MACF1: variants seen among roughly 807,000 people sequenced by gnomAD.
MACF1 encodes the protein microtubule actin crosslinking factor 1.
Under a neutral mutation model 854.8 loss-of-function variants are expected in MACF1, and 193 were observed. That is an observed-to-expected ratio of 0.23 (90% CI 0.20 to 0.25). The LOEUF (loss-of-function observed/expected upper bound fraction) is 0.25. MACF1 is among the 10% of genes least tolerant of loss of function. The pLI is 1.00. For synonymous variants in MACF1, 3,185 were observed against 3,226.7 expected (o/e 0.99, Z 0.44); for missense variants, 7,722 against 8,929.1 (o/e 0.86, Z 5.45).
intron 17 of MACF1, 56 bp from the exon 18 acceptor site, chr1:39,293,402 A>G (rs1260458658): frequency 1.8e-5 from 26 of 1,449,334 alleles, no homozygotes; most frequent in Non-Finnish European, 2.3e-5. Flanking sequence ...CAAATGTGCT[A>G]TCTTCTACAG....
intron 29 of MACF1, 100 bp from the exon 30 acceptor site, chr1:39,318,353 C>A: frequency 9.2e-7 from 1 of 1,091,416 alleles, no homozygotes; most frequent in Non-Finnish European, 1.3e-6. Context: ...CGTTTGTGGT[C>A]AAGCCCAGCT....
At position 39,357,842 on chromosome 1, in the gene MACF1, A is replaced by G. The variant is rs762168470; in HGVS notation, c.11892A>G (p.Val3964=). The change falls in exon 45 of 101, where the codon GTA becomes GTG. Residue 3964 remains valine (V), a synonymous_variant. Coordinates refer to ENST00000564288, the MANE Select transcript of MACF1 (RefSeq NM_001394062.1). ...AACCATCAGAAATTGGAAACTTAGT[A>G]AAGGACAAGTTGAAGGATGCAACAG... is the stretch of plus-strand genomic sequence containing the variant. ...GKEPSEIGNL[V]KDKLKDATER... is the part of the protein sequence containing the mutation. 14 of 1,614,042 alleles carry G rather than the reference A, an allele frequency of 8.7e-6. No individual in the cohort carries two copies. Among genetic ancestry groups the G allele is most frequent in the Non-Finnish European group, 1.1e-5 (13 of 1,180,026 alleles).
intron 2 of MACF1, among the ~76,000 whole-genome samples, chr1:39,175,312 A>T (rs1455795235): frequency 1.3e-5 from 2 of 152,270 alleles, no homozygotes; most frequent in African/African-American, 2.4e-5. Flanking sequence ...TTGGAATACC[A>T]TATGAAATAG....
rs200915205 is a variant in MACF1 at position 39,331,820 on chromosome 1, G to A, written c.5232G>A (p.Arg1744=). The change falls in exon 37 of 101, where the codon CGG becomes CGA. Residue 1744 remains arginine, a synonymous_variant. Transcript: ENST00000564288. ...GGATGGTGAGCTTGAAATCAGGCCG[G>A]AAGGTTAGCATTTTCCGTGCAGTTC... The part of the protein sequence containing the change: ...AGGMVSLKSG[R]KVSIFRAVQE... 4.2e-5 allele frequency: 67 copies of A among 1,614,148 alleles called. No individual in the cohort carries two copies. In the East Asian group the frequency reaches 4.5e-4, roughly 11 times the overall value.
intron 23 of MACF1, among the ~76,000 whole-genome samples, chr1:39,307,885 T>TTTTCTTTC (rs1246111701): frequency 3.1e-4 from 44 of 141,072 alleles, no homozygotes; most frequent in African/African-American, 1.1e-3. Context: ...ATTATTTCTC[T>TTTTCTTTC]TTTCTTTCTT....
Position 39,353,201 on chromosome 1 carries a change from G to T in MACF1, c.11394G>T (p.Glu3798Asp). ...DGYMGVNQAP[E>D]KLDKQCEMMK... ...ACATGGGGGTGAATCAAGCCCCAGA[G>T]AAACTGGACAAGCAATGTGAGATGA... is the stretch of plus-strand genomic sequence containing the variant. Residue 3798 changes from glutamate (E) to aspartate (D), a missense_variant, in exon 44 of 101, where the codon GAG (glutamate) becomes GAT (aspartate). Around this residue, in one of 15 missense-constraint regions of MACF1, gnomAD observed 2,807 missense variants for 3,235.8 expected, o/e 0.87. Coordinates refer to ENST00000564288, the MANE Select transcript of MACF1 (RefSeq NM_001394062.1). 1 of 1,608,594 alleles carries T rather than the reference G, an allele frequency of 6.2e-7. No individual in the cohort carries two copies.
chr1:39,288,127 TGA>T (rs1313795352), intron 15 of MACF1, among the ~76,000 whole-genome samples: 1 of 152,100 alleles, frequency 6.6e-6, no homozygotes, highest in African/African-American at 2.4e-5. Context: ...TCATGGAAAA[TGA>T]GGTATCCGTC....
rs1383945087 is a variant in MACF1, at chr1:39,333,077, A to G, written c.6489A>G (p.Leu2163=). 4.3e-6 allele frequency: 7 copies of G among 1,613,990 alleles called. No individual in the cohort carries two copies. Among genetic ancestry groups the G allele is most frequent in the Non-Finnish European group, 5.9e-6 (7 of 1,180,032 alleles). Residue 2163 remains leucine (L), a synonymous_variant, in exon 37 of 101, where the codon CTA becomes CTG. Coordinates refer to ENST00000564288, the MANE Select transcript of MACF1 (RefSeq NM_001394062.1). The part of the protein sequence containing the change: ...VETPKKEHQP[L]RNTSFTCQNE... The stretch of plus-strand genomic sequence containing the variant: ...CACCAAAGAAAGAACATCAACCTCT[A>G]AGAAACACTTCCTTTACATGTCAGA...
rs755508895 is a variant in MACF1, at chr1:39,282,369, A to T, written c.690A>T (p.Arg230=). ...DGKMFNALIH[R]YRPDLVDMER... is the part of the protein sequence containing the mutation. ...AGATGTTCAATGCACTCATTCACCG[A>T]TACCGGTAAGAACAGTGGAATTTCT... Residue 230 remains arginine, a synonymous_variant, in exon 7 of 101, where the codon CGA becomes CGT. Coordinates refer to ENST00000564288, the MANE Select transcript of MACF1 (RefSeq NM_001394062.1). The T allele has an allele frequency of 1.2e-6, 2 of 1,613,692 alleles. No individual in the cohort carries two copies. Among genetic ancestry groups the T allele is most frequent in the South Asian group, 2.2e-5 (2 of 91,024 alleles).
intron 1 of MACF1, among the ~76,000 whole-genome samples, chr1:39,230,321 C>T (rs577985778): frequency 1.3e-5 from 2 of 152,112 alleles, no homozygotes; most frequent in African/African-American, 2.4e-5. Flanking sequence ...ACCAAGTCAT[C>T]GGGGAAGGCT....
At position 39,251,380 on chromosome 1, in the gene MACF1, T is replaced by A. The variant is rs190219809; in HGVS notation, c.262-466T>A. ...ACACAGTTACATTTTGGGCAATGTG[T>A]CTGGTACATTTAATGAATTTGTAAT... On this transcript the variant is annotated intron_variant, in intron 3 of 100. Coordinates refer to ENST00000564288, the MANE Select transcript of MACF1 (RefSeq NM_001394062.1). Among the ~76,000 whole-genome samples the A allele has an allele frequency of 1.6e-4, 25 of 152,356 alleles. No individual in the cohort carries two copies. The East Asian group carries it at 4.6e-3, about 28-fold the overall frequency.
intron 68 of MACF1, 86 bp from the exon 69 acceptor site, chr1:39,434,328 T>C (rs1419399479): frequency 1.7e-6 from 1 of 588,002 alleles, no homozygotes; most frequent in African/African-American, 1.9e-5. Flanking sequence ...TCTTTTAGAC[T>C]TTTTAATGTA....
chr1:39,377,522 T>C (rs1569793707), intron 52 of MACF1, among the ~76,000 whole-genome samples: 2 of 152,242 alleles, frequency 1.3e-5, no homozygotes, highest in East Asian at 3.9e-4. Context: ...ATTATGGTGA[T>C]TAGAAACAGA....
In MACF1 at chr1:39,322,995, TGGAGGA is replaced by T; in HGVS notation, c.4232_4236+1del. On this transcript the variant is annotated inframe_deletion, in exon 33 of 101. Transcript: ENST00000564288. ...TACATCAGTGATGCACTCCGGCGTC[TGGAGGA>T]GGAGGAGGTGAGGACAGTTGGGTCC... is the stretch of plus-strand genomic sequence containing the variant. 1 of 1,613,974 alleles carries T rather than the reference TGGAGGA, an allele frequency of 6.2e-7. No individual in the cohort carries two copies. Among genetic ancestry groups the T allele is most frequent in the South Asian group, 1.1e-5 (1 of 91,078 alleles).
chr1:39,307,966 G>A (rs1274987379), intron 23 of MACF1, among the ~76,000 whole-genome samples: 2 of 125,342 alleles, frequency 1.6e-5, no homozygotes, highest in African/African-American at 6.1e-5. Context: ...GTGCAGTGAC[G>A]CAATCTCGGC....
intron 98 of MACF1, 116 bp from the exon 99 acceptor site, chr1:39,480,804 T>A: frequency 1.6e-6 from 1 of 633,930 alleles, no homozygotes. Flanking sequence ...TTTATTTTGT[T>A]TTCTGTTTCT....
intron 58 of MACF1, among the ~76,000 whole-genome samples, chr1:39,402,233 C>G: frequency 6.6e-6 from 1 of 151,984 alleles, no homozygotes; most frequent in Non-Finnish European, 1.5e-5. Context: ...GTGATTCAAC[C>G]CAGAGACCTC....
chr1:39,445,776 T>C (rs960805834), intron 80 of MACF1, among the ~76,000 whole-genome samples: 1 of 152,044 alleles, frequency 6.6e-6, no homozygotes, highest in African/African-American at 2.4e-5. Context: ...CTGGGCAATA[T>C]AGCAAGACCC....
At position 39,084,324 on chromosome 1, in the gene MACF1, C is replaced by T. The variant is rs1413066604; in HGVS notation, c.106C>T (p.Pro36Ser). ...GAGCGAGCGGTCGGGGAGCCTGTCT[C>T]CCTGTCCCCCAGGGGACACCTTGCC... The change falls in exon 2 of 94, where the codon CCC becomes TCC. Residue 36 changes from proline (P) to serine (S), a missense_variant. Pro to Ser is a moderately conservative substitution (Grantham distance 74). Coordinates refer to the MACF1 transcript ENST00000361689. The surrounding 1 kb of genome is among the most constrained non-coding windows in gnomAD (Gnocchi z 5.2). The T allele has an allele frequency of 6.2e-7, 1 of 1,613,946 alleles. No homozygotes were observed. Among genetic ancestry groups the T allele is most frequent in the Non-Finnish European group, 8.5e-7 (1 of 1,180,040 alleles).
Sources: gnomAD v4.1 joint callset for allele counts (sites outside exome capture counted in the v4.1 genomes callset) on GRCh38, gnomAD v4.1.1 for gene constraint, gnomAD v4.1.1 regional missense constraint, Gnocchi (gnomAD v3.1) non-coding constraint, MANE v1.5 for transcripts, NCBI Gene and HGNC (gene_info 2026-07-23, HGNC 2026-07-21) for gene names.